The following AK7 variants were observed in gnomAD, a reference collection of about 807,000 sequenced individuals.
AK7 encodes adenylate kinase 7, also known as ATP-AMP transphosphorylase 7.
In AK7, 78 loss-of-function variants were observed where a neutral mutation model predicts 96.6. The ratio of observed to expected loss-of-function variants is 0.81; its 90% confidence interval spans 0.67 to 0.97. The LOEUF (loss-of-function observed/expected upper bound fraction) is 0.97, where lower values mean the gene tolerates loss of function less well. Ranked by LOEUF, AK7 falls within the 50% of genes least tolerant of loss-of-function variation. The pLI, the probability that AK7 is intolerant of heterozygous loss-of-function variation, is 0.00. For synonymous variants in AK7, 302 were observed against 317.2 expected (o/e 0.95, Z 0.51); for missense variants, 855 against 887.9 (o/e 0.96, Z 0.47).
At chr14:96,408,098 C>G (rs1461110313) in intron 3 of AK7, among the ~76,000 whole-genome samples, 3 of 152,224 alleles carry the variant, frequency 2.0e-5, no homozygotes, top group Non-Finnish European at 2.9e-5. Context: ...TCAGTGCTCT[C>G]CACTACAGCC....
intron 15 of AK7, among the ~76,000 whole-genome samples, chr14:96,479,113 A>G (rs1220417913): frequency 6.8e-6 from 1 of 147,698 alleles, no homozygotes; most frequent in Admixed American, 6.8e-5. Context: ...GTCTTGCTCT[A>G]TTGCCCAGGC....
At chr14:96,426,392 GTTA>G (rs1390517940) in intron 5 of AK7, among the ~76,000 whole-genome samples, 3 of 150,652 alleles carry the variant, frequency 2.0e-5, no homozygotes, top group Non-Finnish European at 4.5e-5. Flanking sequence ...AGCTGTTGTA[GTTA>G]TTATTTTTTT....
At chr14:96,477,352 T>G (rs1895243918) in intron 14 of AK7, among the ~76,000 whole-genome samples, 1 of 152,208 alleles carries the variant, frequency 6.6e-6, no homozygotes, top group Admixed American at 6.5e-5. Context: ...CTTATTAGAA[T>G]GCAAGTAAAC....
chr14:96,438,588 G>C (rs746613735), intron 6 of AK7, among the ~76,000 whole-genome samples: 2 of 152,200 alleles, frequency 1.3e-5, no homozygotes, highest in Non-Finnish European at 2.9e-5. Context: ...AAGTATGGGA[G>C]AACAGCGGTA....
At position 96,445,441 on chromosome 14, in the gene AK7, C is replaced by T. The variant is rs571273304; in HGVS notation, c.780-1076C>T. On this transcript the variant is annotated intron_variant, in intron 7 of 17. Transcript: ENST00000267584. ...GTGGGAGGCCAAGGTGGGAGGTTCG[C>T]CTGAGCCGAGGAGTTCGGGACCAGG... Among the ~76,000 whole-genome samples, 213 of 152,236 alleles carry T rather than the reference C, an allele frequency of 1.4e-3. 1 individual carries two copies. The highest frequency in any genetic ancestry group is 5.0e-3 in the African/African-American group (208 of 41,528).
At chr14:96,409,729 G>A (rs1243053346) in intron 4 of AK7, among the ~76,000 whole-genome samples, 1 of 152,158 alleles carries the variant, frequency 6.6e-6, no homozygotes, top group African/African-American at 2.4e-5. Flanking sequence ...TGGTTATTAC[G>A]TTGCAAGAAA....
intron 14 of AK7, among the ~76,000 whole-genome samples, chr14:96,475,428 C>T (rs1313589945): frequency 6.6e-6 from 1 of 152,128 alleles, no homozygotes; most frequent in East Asian, 1.9e-4. Context: ...TTTGGGAAAG[C>T]CAAGACAGGC....
chr14:96,398,391 G>A, intron 2 of AK7, 128 bp downstream of exon 2: 1 of 965,848 alleles, frequency 1.0e-6, no homozygotes, highest in Non-Finnish European at 1.5e-6. Context: ...CAGGTTGAGG[G>A]AATGGCTTTC....
chr14:96,428,413 G>A (rs751382856), intron 5 of AK7, among the ~76,000 whole-genome samples: 13 of 152,082 alleles, frequency 8.5e-5, no homozygotes, highest in African/African-American at 1.5e-4. Flanking sequence ...AGATAGTGCC[G>A]CAGTAAACAT....
chr14:96,466,780 A>G (rs988789371), intron 12 of AK7, among the ~76,000 whole-genome samples: 2 of 152,168 alleles, frequency 1.3e-5, no homozygotes, highest in Admixed American at 1.3e-4. Flanking sequence ...TTCCTAATAG[A>G]AAACAACCCT....
intron 17 of AK7, among the ~76,000 whole-genome samples, chr14:96,487,424 G>C (rs1375953501): frequency 2.8e-5 from 4 of 140,402 alleles, no homozygotes; most frequent in East Asian, 4.1e-4. Context: ...AAAAAAATCT[G>C]CCTGAATCTT....
intron 15 of AK7, among the ~76,000 whole-genome samples, chr14:96,479,070 G>C (rs1895359313): frequency 6.6e-6 from 1 of 151,428 alleles, no homozygotes; most frequent in African/African-American, 2.4e-5. Context: ...CACCAGGCCT[G>C]ATTAATTTTT....
intron 15 of AK7, among the ~76,000 whole-genome samples, chr14:96,480,071 G>A (rs1213821657): frequency 6.6e-6 from 1 of 152,166 alleles, no homozygotes; most frequent in Non-Finnish European, 1.5e-5. Context: ...GCACATTGAA[G>A]GAGTTCAACA....
At position 96,449,867 on chromosome 14, in the gene AK7, C is replaced by T. The variant is rs371702217; in HGVS notation, c.936C>T (p.Thr312=). The change falls in exon 9 of 18, where the codon ACC becomes ACT. Residue 312 remains threonine (T), a synonymous_variant. Transcript: ENST00000267584. ...QKIPRENAYL[T]KDLTQDCLDH... is the part of the protein sequence containing the mutation. ...TACCCAGAGAAAATGCATACCTAAC[C>T]AAGGACTTAACGGTTAGTATATGCG... 7 of 1,604,914 alleles carry T rather than the reference C, an allele frequency of 4.4e-6. No homozygotes were observed. Among genetic ancestry groups the T allele is most frequent in the African/African-American group, 2.7e-5 (2 of 73,956 alleles).
intron 5 of AK7, among the ~76,000 whole-genome samples, chr14:96,435,819 C>G (rs760254090): frequency 1.2e-4 from 19 of 152,192 alleles, no homozygotes; most frequent in Non-Finnish European, 2.2e-4. Flanking sequence ...TCTGCTCTAA[C>G]AGGACAGTGC....
At chr14:96,424,553 C>A (rs987765928) in intron 5 of AK7, among the ~76,000 whole-genome samples, 2 of 152,046 alleles carry the variant, frequency 1.3e-5, no homozygotes, top group Non-Finnish European at 2.9e-5. Context: ...GGAAGACCAG[C>A]GCTAAGTGAA....
intron 6 of AK7, 145 bp from the exon 7 acceptor site, chr14:96,442,585 G>T: frequency 1.4e-6 from 1 of 719,066 alleles, no homozygotes; most frequent in Non-Finnish European, 2.5e-6. Flanking sequence ...TCTCATCAGG[G>T]CTGATTTATA....
chr14:96,407,668 G>A (rs988798087), intron 3 of AK7, among the ~76,000 whole-genome samples: 23 of 141,664 alleles, frequency 1.6e-4, no homozygotes, highest in Non-Finnish European at 2.9e-4. Flanking sequence ...TGCAAGCTCC[G>A]CCTCCCGGGT....
chr14:96,447,240 A>G (rs1259258578), intron 8 of AK7, among the ~76,000 whole-genome samples: 1 of 152,224 alleles, frequency 6.6e-6, no homozygotes, highest in Non-Finnish European at 1.5e-5. Context: ...CACTTGCCCC[A>G]AAGTATTGAT....
Sources: allele counts gnomAD v4.1 joint callset (sites outside exome capture counted in the v4.1 genomes callset), GRCh38; gene constraint gnomAD v4.1.1; transcripts MANE v1.5; gene names NCBI Gene and HGNC (gene_info 2026-07-23, HGNC 2026-07-21).